Variants in TNS3 observed in about 807,000 individuals in gnomAD.
TNS3 encodes tensin-3.
In TNS3, 45 loss-of-function variants were observed where a neutral mutation model predicts 140.9. The observed-to-expected ratio is 0.32, with a 90% confidence interval of 0.25 to 0.41. The LOEUF (loss-of-function observed/expected upper bound fraction) is 0.41, where lower values mean the gene tolerates loss of function less well. TNS3 is among the 10% of genes least tolerant of loss of function. TNS3 has a pLI of 1.00. For missense variants in TNS3, 1,716 were observed against 1,906.7 expected, an observed-to-expected ratio of 0.90 and a Z score of 1.86; for synonymous variants, 815 against 788.4, an observed-to-expected ratio of 1.03 and a Z score of -0.56.
At chr7:47,553,502 C>A (rs1204089850) in intron 1 of TNS3, among the ~76,000 whole-genome samples, 1 of 152,220 alleles carries the variant, frequency 6.6e-6, no homozygotes, top group South Asian at 2.1e-4. Context: ...CCTCCCTGTG[C>A]TCTATAAATA....
At chr7:47,535,225 G>A (rs1799558871) in intron 1 of TNS3, among the ~76,000 whole-genome samples, 1 of 152,192 alleles carries the variant, frequency 6.6e-6, no homozygotes, top group Non-Finnish European at 1.5e-5. Context: ...ACAGTCTGTG[G>A]GCCAAGGAAA....
intron 1 of TNS3, among the ~76,000 whole-genome samples, chr7:47,542,223 G>A (rs1799807729): frequency 6.6e-6 from 1 of 152,138 alleles, no homozygotes; most frequent in South Asian, 2.1e-4. Context: ...CTAATCAAGG[G>A]GTCAAGGTGA....
At chr7:47,466,162 T>C (rs1037125389) in intron 4 of TNS3, among the ~76,000 whole-genome samples, 2 of 151,112 alleles carry the variant, frequency 1.3e-5, no homozygotes, top group Admixed American at 6.6e-5. Flanking sequence ...GTTCCTTTCT[T>C]TTTTTTTTCT....
intron 28 of TNS3, among the ~76,000 whole-genome samples, chr7:47,282,029 G>A (rs1209471095): frequency 1.3e-5 from 2 of 151,244 alleles, no homozygotes; most frequent in Non-Finnish European, 2.9e-5. Context: ...GCCTGACCCT[G>A]AGCCCACCAG....
At chr7:47,437,190 A>C in intron 7 of TNS3, 73 bp downstream of exon 7, 1 of 1,036,870 alleles carries the variant, frequency 9.6e-7, no homozygotes, top group Non-Finnish European at 1.4e-6. Flanking sequence ...GACTAGTAGC[A>C]AATTATTTTT....
intron 17 of TNS3, among the ~76,000 whole-genome samples, chr7:47,366,537 A>G (rs2091321): frequency 0.73 from 110,846 of 152,086 alleles, 41,177 homozygotes; most frequent in Non-Finnish European, 0.82. Flanking sequence ...ACCCACTTGC[A>G]TCACTCAGGC....
At chr7:47,538,173 G>A (rs1490313947) in intron 1 of TNS3, among the ~76,000 whole-genome samples, 8 of 152,138 alleles carry the variant, frequency 5.3e-5, no homozygotes, top group African/African-American at 1.9e-4. Context: ...GAGGAGAGGC[G>A]GGCAAGATCC....
chr7:47,300,867 T>G (rs538661558), intron 23 of TNS3, among the ~76,000 whole-genome samples: 2 of 152,212 alleles, frequency 1.3e-5, no homozygotes, highest in Non-Finnish European at 2.9e-5. Flanking sequence ...TGGTGAGCAG[T>G]GTTTCACAAA....
intron 16 of TNS3, among the ~76,000 whole-genome samples, chr7:47,377,875 G>A (rs746976665): frequency 2.0e-5 from 3 of 148,678 alleles, no homozygotes; most frequent in African/African-American, 5.0e-5. Flanking sequence ...TTGGGATAAC[G>A]ATCATAGTCC....
rs138907545 is a variant in TNS3 at position 47,464,486 on chromosome 7, C to T, written c.-76+16617G>A. ...ACCCCTAGGATTGCTCAAGGTGGCCCCGGGTGGCAGCCCCACCCCAGCAAG... is the reference window on the plus strand; with the variant it reads ...ACCCCTAGGATTGCTCAAGGTGGCCTCGGGTGGCAGCCCCACCCCAGCAAG... On this transcript the variant is annotated intron_variant, in intron 4 of 30. Coordinates refer to ENST00000311160, the MANE Select transcript of TNS3 (RefSeq NM_022748.12). Among the ~76,000 whole-genome samples the T allele has an allele frequency of 3.0e-3, 457 of 152,214 alleles. 1 individual carries two copies. The highest frequency in any genetic ancestry group is 4.8e-3 in the Non-Finnish European group (329 of 68,006).
chr7:47,332,485 C>T (rs942091323), intron 20 of TNS3, among the ~76,000 whole-genome samples: 3 of 152,166 alleles, frequency 2.0e-5, no homozygotes, highest in Non-Finnish European at 4.4e-5. Context: ...CTGTGGATTC[C>T]GGATTCCACA....
intron 17 of TNS3, among the ~76,000 whole-genome samples, chr7:47,362,666 G>A (rs991256078): frequency 6.6e-6 from 1 of 152,082 alleles, no homozygotes; most frequent in Non-Finnish European, 1.5e-5. Context: ...AACAGTGTAG[G>A]CACTCAGAGT....
At chr7:47,495,048 C>G (rs1409874845) in intron 3 of TNS3, among the ~76,000 whole-genome samples, 4 of 151,966 alleles carry the variant, frequency 2.6e-5, no homozygotes, top group Admixed American at 1.3e-4. Flanking sequence ...TGATTAGAAA[C>G]GTTCTTCTCC....
rs552904978 is a variant in TNS3, at chr7:47,345,144, C to T, written c.2452-106G>A. 1.0e-5 allele frequency: 8 copies of T among 801,696 alleles called. No individual in the cohort carries two copies. In the African/African-American group the frequency reaches 1.0e-4, roughly 10 times the overall value. 49.7% of individuals were successfully genotyped at this position (801,696 alleles called of 1,614,324 possible). ...CCAGGCTGGCCCACTGAGCAAACCC[C>T]TCCTCTGACAGTAGGACAAGGAGGC... On this transcript the variant is annotated intron_variant, in intron 18 of 30. Transcript: ENST00000311160.
intron 17 of TNS3, among the ~76,000 whole-genome samples, chr7:47,355,685 A>G (rs553780825): frequency 6.6e-6 from 1 of 152,348 alleles, no homozygotes; most frequent in African/African-American, 2.4e-5. Context: ...CACCTTGTCC[A>G]AATACACTGA....
Position 47,303,829 on chromosome 7 carries a change from G to A in TNS3, c.2823-245C>T, listed in dbSNP as rs551073179. Among the ~76,000 whole-genome samples the A allele has an allele frequency of 1.2e-4, 19 of 152,278 alleles. No individual in the cohort carries two copies. In the South Asian group the frequency reaches 1.5e-3, roughly 12 times the overall value. ...CCGCATGAGGGCACCCAGGGGAGCC[G>A]CCCCATGAAGGCCTCCACATGCGCA... is the stretch of plus-strand genomic sequence containing the variant. On this transcript the variant is annotated intron_variant, in intron 21 of 30. Coordinates refer to ENST00000311160, the MANE Select transcript of TNS3 (RefSeq NM_022748.12).
chr7:47,513,850 C>T (rs1798690807), intron 2 of TNS3, among the ~76,000 whole-genome samples: 1 of 152,230 alleles, frequency 6.6e-6, no homozygotes, highest in Non-Finnish European at 1.5e-5. Context: ...GTCTGCAAAC[C>T]ACACATCAGT....
chr7:47,380,591 A>G (rs774128482), intron 16 of TNS3, among the ~76,000 whole-genome samples: 26 of 152,152 alleles, frequency 1.7e-4, no homozygotes, highest in Non-Finnish European at 3.2e-4. Context: ...ATTCCACTCC[A>G]TAACGCCCTC....
intron 4 of TNS3, among the ~76,000 whole-genome samples, chr7:47,480,879 C>T (rs1176471570): frequency 6.6e-6 from 1 of 152,228 alleles, no homozygotes; most frequent in Non-Finnish European, 1.5e-5. Flanking sequence ...AGGCAGCTCC[C>T]GCAAAGGCGC....
Sources: gnomAD v4.1 joint callset for allele counts (sites outside exome capture counted in the v4.1 genomes callset) on GRCh38, gnomAD v4.1.1 for gene constraint, MANE v1.5 for transcripts, NCBI Gene and HGNC (gene_info 2026-07-23, HGNC 2026-07-21) for gene names.